ORC3: variants seen among roughly 807,000 people sequenced by gnomAD.
The protein encoded by ORC3 is origin recognition complex subunit 3.
Under a neutral mutation model 100.7 loss-of-function variants are expected in ORC3, and 78 were observed. That is an observed-to-expected ratio of 0.77 (90% CI 0.65 to 0.94). ORC3 has a LOEUF of 0.94. ORC3 is among the 40% of genes least tolerant of loss of function. ORC3 has a pLI of 0.00. For missense variants in ORC3, 789 were observed against 823.9 expected (o/e 0.96, Z 0.52); for synonymous variants, 295 against 289.3 (o/e 1.02, Z -0.20).
At chr6:87,625,810 T>G (rs912140885) in intron 11 of ORC3, among the ~76,000 whole-genome samples, 1 of 152,246 alleles carries the variant, frequency 6.6e-6, no homozygotes, top group East Asian at 1.9e-4. Context: ...CTAGCGTTTT[T>G]ATGGTTTTAG....
downstream of ORC3, among the ~76,000 whole-genome samples, chr6:87,670,135 A>G (rs1770802800): frequency 6.6e-6 from 1 of 152,172 alleles, no homozygotes; most frequent in South Asian, 2.1e-4. Flanking sequence ...GACTTTCCTC[A>G]CTAAAGATTA....
intron 5 of ORC3, 24 bp from the exon 6 acceptor site, chr6:87,607,649 T>G: frequency 6.4e-7 from 1 of 1,558,632 alleles, no homozygotes; most frequent in Non-Finnish European, 8.7e-7. Flanking sequence ...AGAGATAAGC[T>G]TTCTTACTTT....
the ORC3 span, among the ~76,000 whole-genome samples, chr6:87,674,695 C>A: frequency 7.0e-6 from 1 of 143,366 alleles, no homozygotes; most frequent in African/African-American, 2.8e-5. Flanking sequence ...AGGATAGTCT[C>A]GATCTCCTGA....
chr6:87,648,181 C>G (rs773766997), intron 13 of ORC3, among the ~76,000 whole-genome samples: 1 of 151,950 alleles, frequency 6.6e-6, no homozygotes, highest in Non-Finnish European at 1.5e-5. Flanking sequence ...AGCCTGGCAA[C>G]AGAGCAAGAC....
intron 8 of ORC3, among the ~76,000 whole-genome samples, chr6:87,614,384 G>T (rs939030492): frequency 2.6e-5 from 4 of 152,226 alleles, no homozygotes; most frequent in African/African-American, 9.6e-5. Flanking sequence ...GATGGGAGGG[G>T]CTGCCATGAA....
the ORC3 span, among the ~76,000 whole-genome samples, chr6:87,673,381 T>C: frequency 6.6e-6 from 1 of 151,866 alleles, no homozygotes; most frequent in Non-Finnish European, 1.5e-5. Context: ...TGCAAACACT[T>C]TGGTTATCAC....
At chr6:87,631,677 G>A (rs13208177) in intron 11 of ORC3, among the ~76,000 whole-genome samples, 3 of 151,736 alleles carry the variant, frequency 2.0e-5, no homozygotes, top group Admixed American at 6.6e-5. Context: ...ATTTTTACTA[G>A]AGAGGGGGTT....
downstream of ORC3, among the ~76,000 whole-genome samples, chr6:87,668,034 A>C (rs1313047564): frequency 2.6e-5 from 4 of 152,224 alleles, no homozygotes; most frequent in Non-Finnish European, 4.4e-5. Context: ...CATCCCAAAC[A>C]AATACAACTC....
At chr6:87,593,408 T>C (rs1777189804) in intron 1 of ORC3, among the ~76,000 whole-genome samples, 1 of 152,212 alleles carries the variant, frequency 6.6e-6, no homozygotes, top group Admixed American at 6.5e-5. Context: ...AACTACGATA[T>C]ACAATTAAAG....
intron 4 of ORC3, among the ~76,000 whole-genome samples, chr6:87,604,174 A>G (rs1168098754): frequency 6.6e-6 from 1 of 152,222 alleles, no homozygotes; most frequent in Non-Finnish European, 1.5e-5. Context: ...CTTTGAAAAC[A>G]AAGTTGAATT....
the ORC3 span, among the ~76,000 whole-genome samples, chr6:87,673,622 C>G: frequency 6.6e-6 from 1 of 152,026 alleles, no homozygotes; most frequent in East Asian, 1.9e-4. Flanking sequence ...GCAGGCAGAT[C>G]ATGAGGTCAA....
Position 87,616,893 on chromosome 6 carries a change from C to G in ORC3, c.987+466C>G, listed in dbSNP as rs555305826. On this transcript the variant is annotated intron_variant, in intron 9 of 19. Coordinates refer to ENST00000392844, the MANE Select transcript of ORC3 (RefSeq NM_012381.4). ...TCAGCTCACTGCAACCTTCGCCTCC[C>G]GGGTTCAAGCAATTCTGCCTCAGCC... Among the ~76,000 whole-genome samples, 5 of 152,142 alleles carry G rather than the reference C, an allele frequency of 3.3e-5. No individual in the cohort carries two copies. In the East Asian group the frequency reaches 7.7e-4, roughly 24 times the overall value.
At chr6:87,639,078 A>G (rs776911368) in intron 13 of ORC3, among the ~76,000 whole-genome samples, 3 of 152,146 alleles carry the variant, frequency 2.0e-5, no homozygotes, top group Non-Finnish European at 2.9e-5. Flanking sequence ...TGAAACATAA[A>G]TGAATTTTGT....
Position 87,663,079 on chromosome 6 carries a change from C to T in ORC3, c.1768C>T (p.His590Tyr). The T allele has an allele frequency of 1.2e-6, 2 of 1,612,456 alleles. No homozygotes were observed. Among genetic ancestry groups the T allele is most frequent in the Non-Finnish European group, 1.7e-6 (2 of 1,178,652 alleles). The change falls in exon 17 of 20, where the codon CAT becomes TAT. Residue 590 changes from histidine (H) to tyrosine (Y), a missense_variant. By Grantham distance (83) the His-to-Tyr change is moderately conservative. Coordinates refer to ENST00000392844, the MANE Select transcript of ORC3 (RefSeq NM_012381.4). Reference sequence around the variant, plus strand: ...CAGTGCTGCCCATGCCCTTCGTGAGCATTTAAATGCTGCTCCGCGAATTGC... The same window carrying T: ...CAGTGCTGCCCATGCCCTTCGTGAGTATTTAAATGCTGCTCCGCGAATTGC... ...YFSAAHALRE[H>Y]LNAAPRIALH...
the ORC3 span, among the ~76,000 whole-genome samples, chr6:87,673,980 A>G: frequency 3.2e-4 from 48 of 152,190 alleles, 1 homozygote; most frequent in African/African-American, 1.2e-3. Flanking sequence ...TGTTTTAAAC[A>G]GAGAATTGGT....
At chr6:87,664,562 G>A (rs957552215) in intron 17 of ORC3, among the ~76,000 whole-genome samples, 181 bp from the exon 18 acceptor site, 1 of 152,114 alleles carries the variant, frequency 6.6e-6, no homozygotes, top group East Asian at 1.9e-4. Flanking sequence ...GAGGGGTTAT[G>A]ACCAAGACAT....
chr6:87,612,185 A>T lies in ORC3; in HGVS notation c.810A>T (p.Leu270=), dbSNP rs367965463. The T allele has an allele frequency of 2.5e-6, 4 of 1,613,362 alleles. No homozygotes were observed. Among genetic ancestry groups the T allele is most frequent in the Non-Finnish European group, 3.4e-6 (4 of 1,179,558 alleles). Residue 270 remains leucine, a synonymous_variant, in exon 8 of 20, where the codon CTA becomes CTT. Transcript: ENST00000392844. ...TGCTTCCTCATGCAGTATCATCTCT[A>T]TTGTGCATAGAACTGTTCCAATCTT... ...HRLLPHAVSS[L]LCIELFQSLS... is the part of the protein sequence containing the mutation.
chr6:87,660,112 C>G (rs1770070970), intron 16 of ORC3, among the ~76,000 whole-genome samples: 1 of 152,222 alleles, frequency 6.6e-6, no homozygotes, highest in Non-Finnish European at 1.5e-5. Flanking sequence ...AGAGTTCTTA[C>G]AAATTCCAAA....
chr6:87,658,645 G>A (rs139341211), intron 16 of ORC3, among the ~76,000 whole-genome samples: 57 of 152,212 alleles, frequency 3.7e-4, no homozygotes, highest in African/African-American at 1.3e-3. Context: ...TAAAGTATTT[G>A]TATTACACTT....
Sources: allele counts gnomAD v4.1 joint callset (sites outside exome capture counted in the v4.1 genomes callset), GRCh38; gene constraint gnomAD v4.1.1; transcripts MANE v1.5; gene names NCBI Gene and HGNC (gene_info 2026-07-23, HGNC 2026-07-21).